MEOX2: variants seen among roughly 807,000 people sequenced by gnomAD.
MEOX2 encodes mesenchyme homeobox 2.
MEOX2 carries 11 observed loss-of-function variants against 27.0 expected under a neutral mutation model. That is an observed-to-expected ratio of 0.41 (90% confidence interval 0.26 to 0.68). The LOEUF is 0.68. MEOX2 is among the 30% of genes least tolerant of loss of function. MEOX2 has a pLI of 0.33. For missense variants in MEOX2, 436 were observed against 385.4 expected (o/e 1.13, Z -1.10); for synonymous variants, 189 against 155.4 (o/e 1.22, Z -1.61).
intron 1 of MEOX2, among the ~76,000 whole-genome samples, chr7:15,674,878 T>A (rs1051204791): frequency 2.6e-5 from 4 of 152,142 alleles, no homozygotes; most frequent in Admixed American, 6.5e-5. Flanking sequence ...CAATCATTAA[T>A]ATTTTTCAGC....
At chr7:15,656,370 T>G (rs73679857) in intron 1 of MEOX2, among the ~76,000 whole-genome samples, 3,807 of 151,918 alleles carry the variant, frequency 0.025, 161 homozygotes, top group African/African-American at 0.086. Context: ...AATTATTGTA[T>G]GCTAGAGCTT....
At chr7:15,639,689 C>T (rs561918622) in intron 1 of MEOX2, among the ~76,000 whole-genome samples, 2 of 152,114 alleles carry the variant, frequency 1.3e-5, no homozygotes, top group African/African-American at 4.8e-5. Context: ...TGTAGCTAGC[C>T]AGTTTTCCCG....
intron 1 of MEOX2, among the ~76,000 whole-genome samples, chr7:15,636,915 T>C (rs1029302660): frequency 7.2e-5 from 11 of 152,068 alleles, no homozygotes; most frequent in Non-Finnish European, 5.9e-5. Flanking sequence ...CATTAATCCA[T>C]TCATGGGAGT....
At chr7:15,630,907 T>C (rs1378933029) in intron 1 of MEOX2, among the ~76,000 whole-genome samples, 1 of 151,946 alleles carries the variant, frequency 6.6e-6, no homozygotes, top group East Asian at 1.9e-4. Flanking sequence ...TGTTTCTTCT[T>C]TTTTCAAAGT....
chr7:15,626,929 A>G lies in MEOX2; in HGVS notation c.518-11T>C. The stretch of plus-strand genomic sequence containing the variant: ...TTCCTTCCTGGGAGTCTGAAAAAAA[A>G]GGGAGACAGAATTGGTAATAACTCA... On this transcript the variant is annotated splice_polypyrimidine_tract_variant and intron_variant, in intron 1 of 2. Transcript: ENST00000262041. 1 of 1,610,554 alleles carries G rather than the reference A, an allele frequency of 6.2e-7. No homozygotes were observed. Among genetic ancestry groups the G allele is most frequent in the Non-Finnish European group, 8.5e-7 (1 of 1,177,896 alleles).
At chr7:15,636,220 T>G (rs559690074) in intron 1 of MEOX2, among the ~76,000 whole-genome samples, 1 of 152,064 alleles carries the variant, frequency 6.6e-6, no homozygotes, top group Non-Finnish European at 1.5e-5. Context: ...TACTTAGAAA[T>G]TTTCTCTAAT....
intron 1 of MEOX2, among the ~76,000 whole-genome samples, chr7:15,627,918 T>A (rs1236878252): frequency 6.6e-6 from 1 of 151,776 alleles, no homozygotes; most frequent in Non-Finnish European, 1.5e-5. Flanking sequence ...AAAGGGCACA[T>A]TAATGCTCTC....
intron 1 of MEOX2, among the ~76,000 whole-genome samples, chr7:15,667,289 C>CAAGAAAAAAA (rs1782023438): frequency 2.4e-5 from 1 of 40,980 alleles, no homozygotes; most frequent in Non-Finnish European, 4.1e-5. Context: ...GACTCTGTCT[C>CAAGAAAAAAA]AAAAAAAAAA....
In MEOX2 at chr7:15,621,651, T is replaced by C. The variant is rs116516501; in HGVS notation, c.690+5095A>G. On this transcript the variant is annotated intron_variant, in intron 2 of 2. Transcript: ENST00000262041. Reference sequence around the variant, plus strand: ...TATATGAGTCATCATAAAATTTGTGTTGGATATACTGATCGGTGATATAAG... The same window carrying C: ...TATATGAGTCATCATAAAATTTGTGCTGGATATACTGATCGGTGATATAAG... 6.7e-3 allele frequency among the ~76,000 whole-genome samples: 1,020 copies of C among 152,284 alleles called. 10 individuals are homozygous for C. The highest frequency in any genetic ancestry group is 0.023 in the African/African-American group (958 of 41,562).
At chr7:15,639,410 T>A (rs567786533) in intron 1 of MEOX2, among the ~76,000 whole-genome samples, 37 of 152,070 alleles carry the variant, frequency 2.4e-4, no homozygotes, top group Admixed American at 4.6e-4. Flanking sequence ...TTTGAATATT[T>A]TCTTCCAGTT....
At chr7:15,654,177 G>A (rs1411095070) in intron 1 of MEOX2, among the ~76,000 whole-genome samples, 3 of 152,018 alleles carry the variant, frequency 2.0e-5, no homozygotes, top group Middle Eastern at 6.8e-3. Context: ...AGCTCGAATT[G>A]TGTTTTAATT....
At chr7:15,631,906 ATGTGTG>A (rs146116757) in intron 1 of MEOX2, among the ~76,000 whole-genome samples, 1 of 129,352 alleles carries the variant, frequency 7.7e-6, no homozygotes, top group Admixed American at 7.7e-5. Flanking sequence ...CCAAGGTTAA[ATGTGTG>A]TGTGTGTGTG....
At chr7:15,683,462 A>G (rs1456297757) in intron 1 of MEOX2, among the ~76,000 whole-genome samples, 1 of 152,098 alleles carries the variant, frequency 6.6e-6, no homozygotes, top group Non-Finnish European at 1.5e-5. Flanking sequence ...GAAATACTAA[A>G]ATGTGCTATA....
chr7:15,685,938 T>A lies in MEOX2; in HGVS notation c.465A>T (p.Ser155=), dbSNP rs780793670. 8 of 1,611,504 alleles carry A rather than the reference T, an allele frequency of 5.0e-6. No homozygotes were observed. Among genetic ancestry groups the A allele is most frequent in the Non-Finnish European group, 5.9e-6 (7 of 1,179,392 alleles). ...CGCTTCGCTTCTCCGCCTCCGCAGG[T>A]GACAGTGCCTGGCGGCCGTAGTCCC... is the stretch of plus-strand genomic sequence containing the variant. ...APGDYGRQAL[S]PAEAEKRSGG... The change falls in exon 1 of 3, where the codon TCA becomes TCT. Residue 155 remains serine, a synonymous_variant. Coordinates refer to ENST00000262041, the MANE Select transcript of MEOX2 (RefSeq NM_005924.5).
At chr7:15,682,353 CTGAGTT>C (rs1296580080) in intron 1 of MEOX2, among the ~76,000 whole-genome samples, 2 of 151,724 alleles carry the variant, frequency 1.3e-5, no homozygotes, top group South Asian at 2.1e-4. Flanking sequence ...AGGTATTACT[CTGAGTT>C]TAAGTTCCAA....
At chr7:15,679,257 A>G (rs1782254385) in intron 1 of MEOX2, 1 of 152,032 alleles carries the variant, frequency 6.6e-6, no homozygotes, top group Non-Finnish European at 1.5e-5. Flanking sequence ...CCTTCTTTTA[A>G]CGTGTGTTTT....
At chr7:15,621,520 A>C (rs1781222769) in intron 2 of MEOX2, among the ~76,000 whole-genome samples, 1 of 152,308 alleles carries the variant, frequency 6.6e-6, no homozygotes, top group Middle Eastern at 3.4e-3. Context: ...ACTATTCTTC[A>C]GAATGGAATT....
chr7:15,666,751 C>CAAAAAAAA (rs61294753), intron 1 of MEOX2, among the ~76,000 whole-genome samples: 15 of 63,048 alleles, frequency 2.4e-4, no homozygotes, highest in Non-Finnish European at 2.3e-4. Context: ...GACTCTGTCT[C>CAAAAAAAA]AAAAAAAAAA....
chr7:15,661,766 C>A (rs895358233), intron 1 of MEOX2, among the ~76,000 whole-genome samples: 1 of 152,142 alleles, frequency 6.6e-6, no homozygotes, highest in African/African-American at 2.4e-5. Context: ...GAGAAGCGAA[C>A]GTTCAAAACC....
Sources: gnomAD v4.1 joint callset for allele counts (sites outside exome capture counted in the v4.1 genomes callset) on GRCh38, gnomAD v4.1.1 for gene constraint, MANE v1.5 for transcripts, NCBI Gene and HGNC (gene_info 2026-07-23, HGNC 2026-07-21) for gene names.